Variants in ASCC3 observed in about 807,000 individuals in gnomAD.
ASCC3 encodes ASC-1 complex subunit P200.
ASCC3 carries 158 observed loss-of-function variants against 256.3 expected under a neutral mutation model. The observed-to-expected ratio is 0.62, with a 90% confidence interval of 0.54 to 0.70. The LOEUF (loss-of-function observed/expected upper bound fraction) is 0.70. Among genes scored for constraint, ASCC3 ranks in the 30% least tolerant of loss-of-function variants. The probability of loss-of-function intolerance (pLI) is 0.00; values close to 1 mark genes in which losing one functional copy is unlikely to be tolerated. For synonymous variants in ASCC3, 948 were observed against 883.4 expected (o/e 1.07, Z -1.30); for missense variants, 2,259 against 2,626.0 (o/e 0.86, Z 3.05).
At chr6:100,861,883 T>C (rs771363851) in intron 3 of ASCC3, among the ~76,000 whole-genome samples, 2 of 152,148 alleles carry the variant, frequency 1.3e-5, no homozygotes, top group Non-Finnish European at 2.9e-5. Flanking sequence ...GAAAGCAATC[T>C]AAAGGGTTTT....
chr6:100,647,936 AG>A (rs1284255398), intron 20 of ASCC3, among the ~76,000 whole-genome samples: 15 of 152,292 alleles, frequency 9.8e-5, no homozygotes, highest in Admixed American at 7.2e-4. Context: ...CTCATATGAA[AG>A]GGCCATACAA....
At position 100,533,708 on chromosome 6, in the gene ASCC3, G is replaced by C. The variant is rs148215329; in HGVS notation, c.5775+6455C>G. Among the ~76,000 whole-genome samples the C allele has an allele frequency of 2.6e-5, 4 of 152,282 alleles. No homozygotes were observed. In the East Asian group the frequency reaches 7.7e-4, roughly 29 times the overall value. On this transcript the variant is annotated intron_variant, in intron 37 of 41. Transcript: ENST00000369162. Reference sequence around the variant, plus strand: ...GAAAGCTCAATTACTGGAAAGTTTTGAAATAAATACCATATATAGGAAGTA... The same window carrying C: ...GAAAGCTCAATTACTGGAAAGTTTTCAAATAAATACCATATATAGGAAGTA...
chr6:100,780,188 G>A (rs1782378662), intron 8 of ASCC3, among the ~76,000 whole-genome samples: 1 of 152,042 alleles, frequency 6.6e-6, no homozygotes, highest in African/African-American at 2.4e-5. Flanking sequence ...TAAAATTAGT[G>A]TATGTTACAC....
chr6:100,699,700 G>C (rs939041105), intron 13 of ASCC3, among the ~76,000 whole-genome samples: 4 of 152,138 alleles, frequency 2.6e-5, no homozygotes, highest in Non-Finnish European at 1.5e-5. Flanking sequence ...ACAAAATGCT[G>C]ATAATGATTT....
chr6:100,589,814 T>C (rs933732744), intron 35 of ASCC3, 46 bp from the exon 36 acceptor site: 33 of 1,610,364 alleles, frequency 2.0e-5, no homozygotes, highest in African/African-American at 2.7e-5. Flanking sequence ...AAAGTACATA[T>C]CTTTATAAAA....
chr6:100,620,875 T>G (rs1773918003), intron 30 of ASCC3, among the ~76,000 whole-genome samples: 2 of 151,530 alleles, frequency 1.3e-5, no homozygotes, highest in African/African-American at 4.9e-5. Context: ...TATTAATTAT[T>G]TAGGGCTAAT....
chr6:100,710,771 G>C (rs1039250332), intron 13 of ASCC3, among the ~76,000 whole-genome samples: 3 of 151,922 alleles, frequency 2.0e-5, no homozygotes, highest in Non-Finnish European at 4.4e-5. Flanking sequence ...CAACATTTGG[G>C]GATACAGCTG....
intron 4 of ASCC3, among the ~76,000 whole-genome samples, chr6:100,828,841 G>T (rs1257381641): frequency 1.3e-5 from 2 of 152,058 alleles, no homozygotes; most frequent in Non-Finnish European, 2.9e-5. Flanking sequence ...TGTGGAAGCG[G>T]ACCCAAGCAG....
intron 4 of ASCC3, among the ~76,000 whole-genome samples, chr6:100,828,645 T>TA (rs1352233176): frequency 6.6e-6 from 1 of 152,164 alleles, no homozygotes; most frequent in Non-Finnish European, 1.5e-5. Flanking sequence ...CGGTGAGTGT[T>TA]ACAGCTCTTA....
intron 5 of ASCC3, among the ~76,000 whole-genome samples, chr6:100,803,221 G>A (rs1014792612): frequency 2.6e-5 from 4 of 152,012 alleles, no homozygotes; most frequent in African/African-American, 9.7e-5. Flanking sequence ...AATATGGTTA[G>A]GCTTTATGTC....
intron 24 of ASCC3, among the ~76,000 whole-genome samples, chr6:100,640,182 T>C (rs1455711824): frequency 1.3e-5 from 2 of 152,128 alleles, no homozygotes; most frequent in African/African-American, 2.4e-5. Flanking sequence ...AGTTAATGCT[T>C]GTAATGCTAA....
chr6:100,771,005 T>C (rs1781892320), intron 8 of ASCC3, among the ~76,000 whole-genome samples: 1 of 152,056 alleles, frequency 6.6e-6, no homozygotes, highest in Non-Finnish European at 1.5e-5. Flanking sequence ...ATAACAATGT[T>C]AGAGAGCTAA....
chr6:100,535,452 A>T (rs1775110998), intron 37 of ASCC3, among the ~76,000 whole-genome samples: 1 of 149,258 alleles, frequency 6.7e-6, no homozygotes, highest in Non-Finnish European at 1.5e-5. Flanking sequence ...TTAGAATATG[A>T]AGCTGGTTTT....
At chr6:100,662,066 C>G in intron 15 of ASCC3, 36 bp from the exon 16 acceptor site, 1 of 1,565,080 alleles carries the variant, frequency 6.4e-7, no homozygotes, top group Non-Finnish European at 8.8e-7. Flanking sequence ...TTTACATAAA[C>G]ACACACAAAT....
chr6:100,652,771 A>C lies in ASCC3; in HGVS notation c.2942T>G (p.Leu981Trp). ...ATAGTAATGGCTGGCAGTTCTACCC[A>C]AATCAGTTGAGGAAAAATATCCAGT... ...ERTGYFSSTD[L>W]GRTASHYYIK... Residue 981 changes from leucine to tryptophan, a missense_variant, in exon 18 of 42, where the codon TTG becomes TGG. By Grantham distance (61) the Leu-to-Trp change is moderately conservative. Coordinates refer to ENST00000369162, the MANE Select transcript of ASCC3 (RefSeq NM_006828.4). 6.2e-7 allele frequency: 1 copy of C among 1,613,952 alleles called. No individual in the cohort carries two copies. The highest frequency in any genetic ancestry group is 1.1e-5 in the South Asian group (1 of 91,074).
At chr6:100,849,349 C>CT (rs140468852) in intron 3 of ASCC3, among the ~76,000 whole-genome samples, 2,513 of 152,134 alleles carry the variant, frequency 0.017, 70 homozygotes, top group African/African-American at 0.058. Flanking sequence ...ATTTGATGAG[C>CT]TAGTTAAATA....
intron 23 of ASCC3, among the ~76,000 whole-genome samples, chr6:100,642,951 T>G (rs932708425): frequency 6.6e-6 from 1 of 152,156 alleles, no homozygotes; most frequent in Non-Finnish European, 1.5e-5. Context: ...GGTAAAATTT[T>G]ATGGCTAATT....
chr6:100,794,207 T>C (rs536933078), intron 8 of ASCC3, among the ~76,000 whole-genome samples: 1 of 152,216 alleles, frequency 6.6e-6, no homozygotes, highest in East Asian at 1.9e-4. Context: ...TCATTTACTT[T>C]CCTATTTTTA....
At chr6:100,696,912 A>G (rs1353521195) in intron 13 of ASCC3, among the ~76,000 whole-genome samples, 2 of 152,100 alleles carry the variant, frequency 1.3e-5, no homozygotes, top group East Asian at 1.9e-4. Flanking sequence ...TAAATTACAT[A>G]TATATGCACA....
Sources: allele counts gnomAD v4.1 joint callset (sites outside exome capture counted in the v4.1 genomes callset), GRCh38; gene constraint gnomAD v4.1.1; transcripts MANE v1.5; gene names NCBI Gene and HGNC (gene_info 2026-07-23, HGNC 2026-07-21).